KCNMB4: variants seen among roughly 807,000 people sequenced by gnomAD.
KCNMB4 encodes the protein potassium calcium-activated channel subfamily M regulatory beta subunit 4.
Under a neutral mutation model 20.7 loss-of-function variants are expected in KCNMB4, and 3 were observed. The ratio of observed to expected loss-of-function variants is 0.14; its 90% CI spans 0.07 to 0.37. The LOEUF (loss-of-function observed/expected upper bound fraction) is 0.37. Among genes scored for constraint, KCNMB4 ranks in the 10% least tolerant of loss-of-function variants. The pLI is 1.00. For synonymous variants in KCNMB4, 110 were observed against 113.4 expected (o/e 0.97, Z 0.19); for missense variants, 168 against 265.9 (o/e 0.63, Z 2.56).
Position 70,366,864 on chromosome 12 carries a change from C to G in KCNMB4, c.130C>G (p.Leu44Val). The change falls in exon 1 of 3, where the codon CTG (leucine) becomes GTG (valine). Residue 44 changes from leucine (L) to valine (V), a missense_variant. Coordinates refer to ENST00000258111, the MANE Select transcript of KCNMB4 (RefSeq NM_014505.6). ...IFGFCWLSPA[L>V]QDLQATEANC... ...CGGCTTCTGCTGGCTGAGTCCCGCGCTGCAGGATCTGCAAGCCACGGAGGC... is the reference window on the plus strand; with the variant it reads ...CGGCTTCTGCTGGCTGAGTCCCGCGGTGCAGGATCTGCAAGCCACGGAGGC... The G allele has an allele frequency of 6.2e-7, 1 of 1,613,486 alleles. No individual in the cohort carries two copies. The highest frequency in any genetic ancestry group is 8.5e-7 in the Non-Finnish European group (1 of 1,179,970).
chr12:70,391,401 C>A (rs1284473901), intron 1 of KCNMB4, among the ~76,000 whole-genome samples: 1 of 152,054 alleles, frequency 6.6e-6, no homozygotes, highest in Non-Finnish European at 1.5e-5. Flanking sequence ...CTCCAGGGCT[C>A]AAGCTATCCT....
chr12:70,394,146 G>C (rs79066689), intron 1 of KCNMB4, among the ~76,000 whole-genome samples: 17,184 of 152,130 alleles, frequency 0.11, 1,282 homozygotes, highest in Middle Eastern at 0.22. Context: ...GCTAATCTTT[G>C]TTTCCTATGC....
chr12:70,371,249 A>G (rs66621157), intron 1 of KCNMB4, among the ~76,000 whole-genome samples: 59,312 of 151,758 alleles, frequency 0.39, 13,070 homozygotes, highest in East Asian at 0.91. Flanking sequence ...CTAAGAAACC[A>G]GTACTCTAGA....
intron 1 of KCNMB4, among the ~76,000 whole-genome samples, chr12:70,375,493 A>AAT (rs57623840): frequency 6.6e-6 from 1 of 151,268 alleles, no homozygotes; most frequent in Non-Finnish European, 1.5e-5. Context: ...AAAAAAAAAA[A>AAT]TTAGCCAGAC....
intron 2 of KCNMB4, among the ~76,000 whole-genome samples, chr12:70,420,687 G>A (rs1869027706): frequency 6.6e-6 from 1 of 152,172 alleles, no homozygotes; most frequent in Non-Finnish European, 1.5e-5. Flanking sequence ...ATAGATACAG[G>A]CAGTAATTTG....
At position 70,409,496 on chromosome 12, in the gene KCNMB4, T is replaced by G. The variant is rs1629197; in HGVS notation, c.464+9160T>G. ...CTTAAACTTCTGCCATTGAATTATG[T>G]GCCAGTCAAGGAAAACCAAAGACAA... On this transcript the variant is annotated intron_variant, in intron 2 of 2. Transcript: ENST00000258111. Among the ~76,000 whole-genome samples, 496 of 152,342 alleles carry G rather than the reference T, an allele frequency of 3.3e-3. 3 individuals carry two copies. The highest frequency in any genetic ancestry group is 0.011 in the African/African-American group (471 of 41,584).
chr12:70,373,104 T>C (rs911400829), intron 1 of KCNMB4, among the ~76,000 whole-genome samples: 1 of 152,066 alleles, frequency 6.6e-6, no homozygotes, highest in African/African-American at 2.4e-5. Context: ...GCCCACAGTG[T>C]AGAAGACCCA....
intron 1 of KCNMB4, among the ~76,000 whole-genome samples, chr12:70,389,266 G>C (rs918893726): frequency 1.8e-4 from 28 of 151,964 alleles, no homozygotes; most frequent in African/African-American, 6.8e-4. Flanking sequence ...TTACTTTCCT[G>C]TACCTTTCCT....
intron 1 of KCNMB4, among the ~76,000 whole-genome samples, 180 bp from the exon 2 acceptor site, chr12:70,400,029 T>A (rs1363133641): frequency 6.6e-6 from 1 of 152,194 alleles, no homozygotes; most frequent in African/African-American, 2.4e-5. Flanking sequence ...ATACTTTCTG[T>A]CCTTGTGCCA....
chr12:70,410,901 A>G (rs1033812041), intron 2 of KCNMB4, among the ~76,000 whole-genome samples: 3 of 152,242 alleles, frequency 2.0e-5, no homozygotes, highest in African/African-American at 4.8e-5. Context: ...AAGTGTGTTT[A>G]TCCTGTAGCA....
intron 2 of KCNMB4, among the ~76,000 whole-genome samples, chr12:70,404,048 G>A (rs1225260921): frequency 6.6e-6 from 1 of 152,130 alleles, no homozygotes; most frequent in African/African-American, 2.4e-5. Context: ...AATAGAAGGG[G>A]GAAGACTGAA....
At chr12:70,430,074 C>A (rs1869319739) in intron 2 of KCNMB4, among the ~76,000 whole-genome samples, 3 of 150,846 alleles carry the variant, frequency 2.0e-5, no homozygotes, top group African/African-American at 7.4e-5. Flanking sequence ...ATCATTTGGG[C>A]CACACCTATG....
chr12:70,391,682 G>A (rs1868300600), intron 1 of KCNMB4, among the ~76,000 whole-genome samples: 1 of 152,140 alleles, frequency 6.6e-6, no homozygotes, highest in Non-Finnish European at 1.5e-5. Flanking sequence ...TCTCCACATA[G>A]GCCTTTCATG....
chr12:70,377,321 C>T (rs997125164), intron 1 of KCNMB4, among the ~76,000 whole-genome samples: 4 of 151,950 alleles, frequency 2.6e-5, no homozygotes, highest in Non-Finnish European at 4.4e-5. Context: ...GCCAATATTA[C>T]GATAAAAGAG....
intron 2 of KCNMB4, among the ~76,000 whole-genome samples, chr12:70,415,390 C>G (rs1337993270): frequency 6.6e-6 from 1 of 152,182 alleles, no homozygotes; most frequent in Non-Finnish European, 1.5e-5. Context: ...TAATTAGACT[C>G]ACAATTTAGT....
In KCNMB4 at chr12:70,422,818, GACAGATGGATAAAAAATAATTACCAC is replaced by G. The variant is rs1869102134; in HGVS notation, c.465-7662_465-7637del. On this transcript the variant is annotated intron_variant, in intron 2 of 2. Coordinates refer to ENST00000258111, the MANE Select transcript of KCNMB4 (RefSeq NM_014505.6). Reference sequence around the variant, plus strand: ...TTTTAAGAATCACATTGGGAAAACCGACAGATGGATAAAAAATAATTACCACACAGTGTGAGTAAAACCTTTTAAAA... The same window carrying G: ...TTTTAAGAATCACATTGGGAAAACCGACAGTGTGAGTAAAACCTTTTAAAA... The G allele has an allele frequency of 2.4e-6, 3 of 1,250,636 alleles. No individual in the cohort carries two copies. In the South Asian group the frequency reaches 4.0e-5, roughly 17 times the overall value. 77.5% of individuals were successfully genotyped at this position (1,250,636 alleles called of 1,614,324 possible). A position where few individuals can be genotyped will look rare whatever the true frequency, so the allele number is the denominator to read the frequency against.
At chr12:70,376,725 C>A (rs7132023) in intron 1 of KCNMB4, among the ~76,000 whole-genome samples, 108,400 of 149,834 alleles carry the variant, frequency 0.72, 39,597 homozygotes, top group East Asian at 0.94. Flanking sequence ...AAAAACAAAA[C>A]GCCAGATGTC....
At chr12:70,428,850 A>G (rs147720624) in intron 2 of KCNMB4, among the ~76,000 whole-genome samples, 64 of 152,316 alleles carry the variant, frequency 4.2e-4, no homozygotes, top group African/African-American at 1.4e-3. Context: ...TGCTATAAGA[A>G]TTCCAAAAAA....
chr12:70,411,999 C>G (rs1868792340), intron 2 of KCNMB4, among the ~76,000 whole-genome samples: 2 of 151,922 alleles, frequency 1.3e-5, no homozygotes, highest in South Asian at 2.1e-4. Flanking sequence ...TTGTACCAGT[C>G]TAGACAAGGG....
Sources: gnomAD v4.1 joint callset for allele counts (sites outside exome capture counted in the v4.1 genomes callset) on GRCh38, gnomAD v4.1.1 for gene constraint, MANE v1.5 for transcripts, NCBI Gene and HGNC (gene_info 2026-07-23, HGNC 2026-07-21) for gene names.